Variants in SLC26A7 observed in about 807,000 individuals in gnomAD.
SLC26A7 encodes solute carrier family 26 member 7.
Under a neutral mutation model 82.5 loss-of-function variants are expected in SLC26A7, and 59 were observed. The ratio of observed to expected loss-of-function variants is 0.72; its 90% CI spans 0.58 to 0.89. The LOEUF (loss-of-function observed/expected upper bound fraction) is 0.89, where lower values mean the gene tolerates loss of function less well. Ranked by LOEUF, SLC26A7 falls within the 40% of genes least tolerant of loss-of-function variation. SLC26A7 has a pLI of 0.00. For missense variants in SLC26A7, 820 were observed against 793.0 expected (o/e 1.03, Z -0.41); for synonymous variants, 271 against 274.3 (o/e 0.99, Z 0.12).
intron 9 of SLC26A7, among the ~76,000 whole-genome samples, chr8:91,349,385 T>G (rs1813653740): frequency 6.6e-6 from 1 of 152,158 alleles, no homozygotes; most frequent in Non-Finnish European, 1.5e-5. Context: ...AAATTGTAAT[T>G]CAATTGTTGT....
intron 11 of SLC26A7, among the ~76,000 whole-genome samples, chr8:91,355,719 T>C (rs996987774): frequency 5.9e-5 from 9 of 151,612 alleles, no homozygotes; most frequent in African/African-American, 1.9e-4. Context: ...CTTTTGCCTC[T>C]TTTTTTTAAA....
At chr8:91,281,340 A>G (rs1004242361) in intron 2 of SLC26A7, among the ~76,000 whole-genome samples, 3 of 152,212 alleles carry the variant, frequency 2.0e-5, no homozygotes, top group Admixed American at 1.3e-4. Flanking sequence ...AAAGAGCTGT[A>G]TAATATTCCA....
chr8:91,390,063 C>T (rs1038568809), intron 16 of SLC26A7, among the ~76,000 whole-genome samples: 5 of 151,668 alleles, frequency 3.3e-5, no homozygotes, highest in African/African-American at 1.2e-4. Flanking sequence ...TTTGCCAATT[C>T]ACAGAAAACT....
At chr8:91,245,918 G>A (rs80266541), upstream of SLC26A7, among the ~76,000 whole-genome samples, 90 of 152,246 alleles carry the variant, frequency 5.9e-4, no homozygotes, top group Admixed American at 2.1e-3. Flanking sequence ...GAGGGTGTCT[G>A]TCTATCCTTT....
At chr8:91,368,761 G>C (rs1001099490) in intron 14 of SLC26A7, among the ~76,000 whole-genome samples, 2 of 152,088 alleles carry the variant, frequency 1.3e-5, no homozygotes, top group Non-Finnish European at 2.9e-5. Flanking sequence ...AGGAAACTCA[G>C]GTTCACTGAA....
chr8:91,369,445 T>C (rs1814292676), intron 14 of SLC26A7, among the ~76,000 whole-genome samples: 1 of 151,808 alleles, frequency 6.6e-6, no homozygotes, highest in South Asian at 2.1e-4. Context: ...TAAAATGCAA[T>C]GTTAATAAAG....
chr8:91,275,259 G>A (rs1374136588), intron 2 of SLC26A7, among the ~76,000 whole-genome samples: 1 of 151,972 alleles, frequency 6.6e-6, no homozygotes, highest in Non-Finnish European at 1.5e-5. Flanking sequence ...TGGGTCTCTG[G>A]GCATGTAGCC....
At position 91,389,381 on chromosome 8, in the gene SLC26A7, C is replaced by G; in HGVS notation, c.1719C>G (p.Ile573Met). The change falls in exon 16 of 19, where the codon ATC becomes ATG. Residue 573 changes from isoleucine (I) to methionine (M), a missense_variant. Coordinates refer to ENST00000276609, the MANE Select transcript of SLC26A7 (RefSeq NM_052832.4). ...GCCCTAATGAGAAGTGTTATTTAAT[C>G]CTGGATTGCAGTGGATTTACCTTTT... ...QSCPNEKCYL[I>M]LDCSGFTFFD... The G allele has an allele frequency of 1.2e-6, 2 of 1,614,028 alleles. No individual in the cohort carries two copies. Among genetic ancestry groups the G allele is most frequent in the Non-Finnish European group, 1.7e-6 (2 of 1,179,944 alleles).
intron 2 of SLC26A7, among the ~76,000 whole-genome samples, chr8:91,260,157 C>A (rs1318413119): frequency 6.6e-6 from 1 of 152,128 alleles, no homozygotes; most frequent in East Asian, 1.9e-4. Flanking sequence ...AATTGACTCA[C>A]AGTTCCATAT....
intron 11 of SLC26A7, among the ~76,000 whole-genome samples, chr8:91,354,738 T>A (rs534125532): frequency 1.3e-5 from 2 of 152,194 alleles, no homozygotes; most frequent in East Asian, 3.9e-4. Context: ...TTAAAGATAT[T>A]GTATTTGTTA....
At position 91,295,525 on chromosome 8, in the gene SLC26A7, T is replaced by A; in HGVS notation, c.305-6T>A. On this transcript the variant is annotated splice_polypyrimidine_tract_variant and splice_region_variant and intron_variant, in intron 3 of 18. Transcript: ENST00000276609. ...ATAGAAGATTCCCCACACCACTTGG[T>A]TTCAGGCACCTTTGCCTTGACATCC... 3 of 1,608,558 alleles carry A rather than the reference T, an allele frequency of 1.9e-6. No individual in the cohort carries two copies. The highest frequency in any genetic ancestry group is 2.5e-6 in the Non-Finnish European group (3 of 1,176,958).
At chr8:91,250,078 A>G (rs1306815242) in intron 2 of SLC26A7, among the ~76,000 whole-genome samples, 3 of 152,076 alleles carry the variant, frequency 2.0e-5, no homozygotes, top group Non-Finnish European at 4.4e-5. Flanking sequence ...ACATTTTTTC[A>G]CTGTTAAAAT....
intron 3 of SLC26A7, among the ~76,000 whole-genome samples, chr8:91,292,599 A>T (rs1219122031): frequency 6.6e-6 from 1 of 152,210 alleles, no homozygotes; most frequent in Non-Finnish European, 1.5e-5. Flanking sequence ...TGCAATGCTG[A>T]CTTACTAAAT....
At chr8:91,346,777 C>A (rs1252452806) in intron 9 of SLC26A7, among the ~76,000 whole-genome samples, 1 of 152,136 alleles carries the variant, frequency 6.6e-6, no homozygotes, top group East Asian at 1.9e-4. Context: ...CCTGGCACAG[C>A]CTCCTCTTGG....
In SLC26A7 at chr8:91,367,243, C is replaced by T. The variant is rs540089373; in HGVS notation, c.1626+526C>T. On this transcript the variant is annotated intron_variant, in intron 14 of 18. Transcript: ENST00000276609. ...CAGGATGGTCTCGATTTCCTGACCT[C>T]GTGATCCACCCGCCTCGGCCTTCCA... is the stretch of plus-strand genomic sequence containing the variant. Among the ~76,000 whole-genome samples the T allele has an allele frequency of 5.8e-4, 89 of 152,192 alleles. 1 individual carries two copies. Among genetic ancestry groups the T allele is most frequent in the African/African-American group, 2.0e-3 (85 of 41,550 alleles).
At chr8:91,299,761 A>G (rs1014815175) in intron 4 of SLC26A7, among the ~76,000 whole-genome samples, 2 of 152,156 alleles carry the variant, frequency 1.3e-5, no homozygotes, top group African/African-American at 4.8e-5. Context: ...ATTCTTGGCT[A>G]TTCTTGCATG....
At chr8:91,281,697 C>A (rs1192028595) in intron 2 of SLC26A7, among the ~76,000 whole-genome samples, 1 of 152,104 alleles carries the variant, frequency 6.6e-6, no homozygotes, top group Non-Finnish European at 1.5e-5. Flanking sequence ...TTACCCACAT[C>A]TTTTCTTTCT....
intron 4 of SLC26A7, among the ~76,000 whole-genome samples, chr8:91,300,822 C>T (rs984371737): frequency 6.6e-6 from 1 of 152,212 alleles, no homozygotes; most frequent in East Asian, 1.9e-4. Context: ...CTTGCCCTTT[C>T]ATGAGCTTAC....
At chr8:91,261,211 CA>C (rs1810955002) in intron 2 of SLC26A7, among the ~76,000 whole-genome samples, 3 of 151,946 alleles carry the variant, frequency 2.0e-5, no homozygotes, top group Admixed American at 6.6e-5. Flanking sequence ...CATTTCTATT[CA>C]AAAAATATTT....
Sources: gnomAD v4.1 joint callset for allele counts (sites outside exome capture counted in the v4.1 genomes callset) on GRCh38, gnomAD v4.1.1 for gene constraint, MANE v1.5 for transcripts, NCBI Gene and HGNC (gene_info 2026-07-23, HGNC 2026-07-21) for gene names.